KIF1A: variants seen among roughly 807,000 people sequenced by gnomAD.
KIF1A encodes the protein kinesin-like protein KIF1A.
Under a neutral mutation model 227.3 loss-of-function variants are expected in KIF1A, and 46 were observed. The ratio of observed to expected loss-of-function variants is 0.20; its 90% CI spans 0.16 to 0.26. The LOEUF is 0.26. KIF1A is among the 10% of genes least tolerant of loss of function. The pLI is 1.00. For synonymous variants in KIF1A, 1,022 were observed against 1,012.8 expected (o/e 1.01, Z -0.17); for missense variants, 1,683 against 2,485.9 (o/e 0.68, Z 6.87).
chr2:240,793,725 G>C lies in KIF1A; in HGVS notation c.106+3922C>G, dbSNP rs780553486. 6.6e-6 allele frequency among the ~76,000 whole-genome samples: 1 copy of C among 152,340 alleles called. No homozygotes were observed. The highest frequency in any genetic ancestry group is 1.5e-5 in the Non-Finnish European group (1 of 68,038). ...GATTATTTATGCAGGTGATGATTAC[G>C]GGATAACAGTTAAATTTACTTTCAA... On this transcript the variant is annotated intron_variant, in intron 2 of 48. Transcript: ENST00000498729. This position sits in a 1 kb window ranked among gnomAD's most constrained non-coding sequence, Gnocchi z 4.8.
rs1263248431 is a variant in KIF1A at position 240,766,745 on chromosome 2, T to TCACACACACACACACA, written c.1684+169_1684+170insTGTGTGTGTGTGTGTG. 1.1e-3 allele frequency among the ~76,000 whole-genome samples: 139 copies of TCACACACACACACACA among 127,028 alleles called. No individual in the cohort carries two copies. The highest frequency in any genetic ancestry group is 8.5e-3 in the Admixed American group (110 of 12,866). The allele number at this position is 127,028 out of a possible 152,430, so 83.3% of individuals were successfully genotyped here. A position where few individuals can be genotyped will look rare whatever the true frequency, so the allele number is the denominator to read the frequency against. On this transcript the variant is annotated intron_variant, in intron 19 of 48. Coordinates refer to ENST00000498729, the MANE Select transcript of KIF1A (RefSeq NM_001244008.2). The surrounding 1 kb of genome is among the most constrained non-coding windows in gnomAD (Gnocchi z 5.0). ...AAATCTCTCTCTCTCTCTCTCTCTC[T>TCACACACACACACACA]CTCTCACACACACACACACACACAC...
rs1040482195 is a variant in KIF1A, at chr2:240,714,574, G to A, written c.*2790C>T. 6.6e-6 allele frequency: 1 copy of A among 152,452 alleles called. No individual in the cohort carries two copies. Among genetic ancestry groups the A allele is most frequent in the African/African-American group, 2.4e-5 (1 of 41,436 alleles). The allele number at this position is 152,452 out of a possible 1,614,324, so 9.4% of individuals were successfully genotyped here. A position where few individuals can be genotyped will look rare whatever the true frequency, so the allele number is the denominator to read the frequency against. ...AGGAAGCAGCAGCCACCCTGGGCCT[G>A]GCTGTCTCCCAAGCACCGCACCCCA... On this transcript the variant is annotated 3_prime_UTR_variant, in exon 49 of 49. Coordinates refer to ENST00000498729, the MANE Select transcript of KIF1A (RefSeq NM_001244008.2).
chr2:240,717,221 G>A lies in KIF1A; in HGVS notation c.*143C>T, dbSNP rs186456890. 27 of 695,818 alleles carry A rather than the reference G, an allele frequency of 3.9e-5. No homozygotes were observed. The highest frequency in any genetic ancestry group is 6.1e-5 in the Non-Finnish European group (25 of 407,676). 43.1% of individuals were successfully genotyped at this position (695,818 alleles called of 1,614,324 possible). ...AGCTGGTCGTGTGGCACAGGTCCCC[G>A]GGCCTGGCATGGGCGTCCCCTGGGG... is the stretch of plus-strand genomic sequence containing the variant. On this transcript the variant is annotated 3_prime_UTR_variant, in exon 49 of 49. Coordinates refer to ENST00000498729, the MANE Select transcript of KIF1A (RefSeq NM_001244008.2).
intron 7 of KIF1A, 74 bp from the exon 8 acceptor site, chr2:240,783,890 GTCTCC>G: frequency 8.6e-7 from 1 of 1,162,464 alleles, no homozygotes. Flanking sequence ...CCTGGGCAAG[GTCTCC>G]ACAGCTGTTG....
At chr2:240,741,219 C>T in intron 35 of KIF1A, 50 bp downstream of exon 35, 1 of 1,295,556 alleles carries the variant, frequency 7.7e-7, no homozygotes, top group Non-Finnish European at 1.1e-6. Flanking sequence ...CCTCTCCGCG[C>T]ACCCCCCGAC....
At chr2:240,791,795 C>T (rs2055738098) in intron 2 of KIF1A, among the ~76,000 whole-genome samples, 1 of 152,156 alleles carries the variant, frequency 6.6e-6, no homozygotes, top group African/African-American at 2.4e-5. Context: ...GGGAGTGGGG[C>T]TCAGTTGCAG....
Position 240,725,381 on chromosome 2 carries a change from A to G in KIF1A, c.4146T>C (p.Ala1382=). ...CCATGCAGAAGTCCTTGGTGACAAC[A>G]GCCGGCTGGGTGCAGTTCTCCATCT... ...YIEMENCTQP[A]VVTKDFCMVF... is the part of the protein sequence containing the mutation. Residue 1382 remains alanine, a synonymous_variant, in exon 40 of 49, where the codon GCT becomes GCC. Transcript: ENST00000498729. This position sits in a 1 kb window ranked among gnomAD's most constrained non-coding sequence, Gnocchi z 5.8. The G allele has an allele frequency of 3.1e-6, 5 of 1,612,438 alleles. No homozygotes were observed. Among genetic ancestry groups the G allele is most frequent in the Non-Finnish European group, 4.2e-6 (5 of 1,179,726 alleles).
rs957319449 is a variant in KIF1A at position 240,714,238 on chromosome 2, G to C, written c.*3126C>G. On this transcript the variant is annotated 3_prime_UTR_variant, in exon 49 of 49. Transcript: ENST00000498729. ...GGGCCACCTCATCACAGCCGTCCTG[G>C]GTGGGGGAGTTTGTGCCTGTGCAGC... is the stretch of plus-strand genomic sequence containing the variant. 6.6e-6 allele frequency: 1 copy of C among 152,500 alleles called. No individual in the cohort carries two copies. The highest frequency in any genetic ancestry group is 2.4e-5 in the African/African-American group (1 of 41,438). 9.4% of individuals were successfully genotyped at this position (152,500 alleles called of 1,614,324 possible).
chr2:240,717,522 G>T, intron 48 of KIF1A, 116 bp from the exon 49 acceptor site: 2 of 894,776 alleles, frequency 2.2e-6, no homozygotes, highest in Non-Finnish European at 3.5e-6. Flanking sequence ...CCATGTCCCC[G>T]CTGGTTCCCT....
At chr2:240,721,734 T>G in intron 44 of KIF1A, 73 bp downstream of exon 44, 2 of 1,250,066 alleles carry the variant, frequency 1.6e-6, no homozygotes, top group South Asian at 1.3e-5. Flanking sequence ...GGAATGGGAG[T>G]TTTCCTCAGG....
At position 240,733,812 on chromosome 2, in the gene KIF1A, C is replaced by G. The variant is rs1055598198; in HGVS notation, c.4007+3251G>C. On this transcript the variant is annotated intron_variant, in intron 38 of 48. Coordinates refer to ENST00000498729, the MANE Select transcript of KIF1A (RefSeq NM_001244008.2). ...TCTGCTGCTCAGTTCACTTCACAAA[C>G]GCCACCCCACAGGATAACTGCCGTG... 2.0e-5 allele frequency among the ~76,000 whole-genome samples: 3 copies of G among 152,218 alleles called. No individual in the cohort carries two copies. The East Asian group carries it at 5.8e-4, about 29-fold the overall frequency.
Position 240,793,192 on chromosome 2 carries a change from C to T in KIF1A, c.107-3880G>A, listed in dbSNP as rs545599208. On this transcript the variant is annotated intron_variant, in intron 2 of 48. Coordinates refer to ENST00000498729, the MANE Select transcript of KIF1A (RefSeq NM_001244008.2). The surrounding 1 kb of genome is among the most constrained non-coding windows in gnomAD (Gnocchi z 4.8). ...CAGCGGAGGCTGGGGGCCTGGGTCG[C>T]ACCCACCCTGGGTCCAGATCCCCAT... Among the ~76,000 whole-genome samples the T allele has an allele frequency of 1.3e-3, 192 of 152,314 alleles. No homozygotes were observed. The highest frequency in any genetic ancestry group is 3.5e-3 in the Admixed American group (53 of 15,304).
intron 33 of KIF1A, among the ~76,000 whole-genome samples, chr2:240,743,210 C>T (rs1157982901): frequency 6.6e-6 from 1 of 152,178 alleles, no homozygotes; most frequent in African/African-American, 2.4e-5. Flanking sequence ...CTCTGGCTCC[C>T]AGTCCAGAGT....
chr2:240,757,307 G>A lies in KIF1A; in HGVS notation c.2858+12C>T, dbSNP rs547837823. ...GGGTCCTCCCCAGCATGCTCTCCTCGACCTCACCAACCTTCCTACTAAACT... is the reference window on the plus strand; with the variant it reads ...GGGTCCTCCCCAGCATGCTCTCCTCAACCTCACCAACCTTCCTACTAAACT... On this transcript the variant is annotated intron_variant, in intron 27 of 48. Coordinates refer to ENST00000498729, the MANE Select transcript of KIF1A (RefSeq NM_001244008.2). This position sits in a 1 kb window ranked among gnomAD's most constrained non-coding sequence, Gnocchi z 6.2. 1.7e-5 allele frequency: 27 copies of A among 1,549,904 alleles called. No individual in the cohort carries two copies. Among genetic ancestry groups the A allele is most frequent in the South Asian group, 6.0e-5 (5 of 83,970 alleles).
In KIF1A at chr2:240,714,238, G is replaced by A. The variant is rs957319449; in HGVS notation, c.*3126C>T. On this transcript the variant is annotated 3_prime_UTR_variant, in exon 49 of 49. Transcript: ENST00000498729. ...GGGCCACCTCATCACAGCCGTCCTGGGTGGGGGAGTTTGTGCCTGTGCAGC... is the reference window on the plus strand; with the variant it reads ...GGGCCACCTCATCACAGCCGTCCTGAGTGGGGGAGTTTGTGCCTGTGCAGC... The A allele has an allele frequency of 1.3e-5, 2 of 152,500 alleles. No homozygotes were observed. Among genetic ancestry groups the A allele is most frequent in the East Asian group, 3.8e-4 (2 of 5,320 alleles). The allele number at this position is 152,500 out of a possible 1,614,324, so 9.4% of individuals were successfully genotyped here.
In KIF1A at chr2:240,721,010, C is replaced by G. The variant is rs114766540; in HGVS notation, c.4772G>C (p.Arg1591Pro). Residue 1591 changes from arginine (R) to proline (P), a missense_variant, in exon 45 of 49, where the codon CGG (arginine) becomes CCG (proline). By Grantham distance (103) the Arg-to-Pro change is moderately radical. Around this residue, in one of 12 missense-constraint regions of KIF1A, gnomAD observed 384 missense variants for 410.1 expected, o/e 0.94. Coordinates refer to ENST00000498729, the MANE Select transcript of KIF1A (RefSeq NM_001244008.2). ...KLSEMSVTLL[R>P]DPSMSPLGVA... ...CCCTAGAGGGGACATCGACGGGTCC[C>G]GGAGCAGGGTGACAGACATCTCGGA... 6.2e-7 allele frequency: 1 copy of G among 1,611,172 alleles called. No individual in the cohort carries two copies. The highest frequency in any genetic ancestry group is 1.3e-5 in the African/African-American group (1 of 74,902).
intron 28 of KIF1A, 49 bp from the exon 29 acceptor site, chr2:240,747,370 G>C: frequency 6.6e-7 from 1 of 1,504,656 alleles, no homozygotes; most frequent in South Asian, 1.1e-5. Context: ...GTCCCCTGAG[G>C]TGGGTGTGGG....
chr2:240,805,807 T>C (rs1278427009), intron 1 of KIF1A, among the ~76,000 whole-genome samples: 1 of 151,952 alleles, frequency 6.6e-6, no homozygotes, highest in Non-Finnish European at 1.5e-5. Context: ...AGACTAAAAA[T>C]TAATTTAAAA....
chr2:240,721,218 T>C (rs1421205087), intron 44 of KIF1A, among the ~76,000 whole-genome samples, 180 bp from the exon 45 acceptor site: 2 of 152,110 alleles, frequency 1.3e-5, no homozygotes, highest in South Asian at 2.1e-4. Context: ...CCAGCCCCTG[T>C]GGCCCCTGGC....
Sources: gnomAD v4.1 joint callset for allele counts (sites outside exome capture counted in the v4.1 genomes callset) on GRCh38, gnomAD v4.1.1 for gene constraint, gnomAD v4.1.1 regional missense constraint, Gnocchi (gnomAD v3.1) non-coding constraint, MANE v1.5 for transcripts, NCBI Gene and HGNC (gene_info 2026-07-23, HGNC 2026-07-21) for gene names.